Variants in DOCK1 observed in about 807,000 individuals in gnomAD.
DOCK1 encodes dedicator of cytokinesis 1.
A neutral mutation model predicts 262.7 loss-of-function variants in DOCK1; 138 were observed. That is an observed-to-expected ratio of 0.53 (90% CI 0.46 to 0.61). The LOEUF is 0.61. DOCK1 is among the 20% of genes least tolerant of loss of function. The pLI is 0.00. For synonymous variants in DOCK1, 866 were observed against 867.4 expected, an observed-to-expected ratio of 1.00 and a Z score of 0.03; for missense variants, 1,908 against 2,370.7, an observed-to-expected ratio of 0.80 and a Z score of 4.05.
chr10:127,414,196 G>GC (rs889911104), intron 43 of DOCK1, among the ~76,000 whole-genome samples: 2 of 152,132 alleles, frequency 1.3e-5, no homozygotes, highest in Non-Finnish European at 2.9e-5. Flanking sequence ...ACAGACGTGA[G>GC]CCCCCCACGC....
intron 23 of DOCK1, among the ~76,000 whole-genome samples, chr10:127,081,341 C>T (rs1017200089): frequency 4.0e-5 from 6 of 150,392 alleles, no homozygotes; most frequent in Non-Finnish European, 8.8e-5. Context: ...TAATTCTTGC[C>T]TATTAATTTG....
chr10:127,278,487 C>G (rs1033435130), intron 29 of DOCK1, among the ~76,000 whole-genome samples: 1 of 152,176 alleles, frequency 6.6e-6, no homozygotes, highest in African/African-American at 2.4e-5. Flanking sequence ...TCCAGCTAAT[C>G]TCTCTCATCC....
chr10:127,176,360 T>A lies in DOCK1; in HGVS notation c.2847+48596T>A, dbSNP rs770823920. 3.1e-6 allele frequency: 5 copies of A among 1,612,772 alleles called. No individual in the cohort carries two copies. The Admixed American group carries it at 6.7e-5, about 22-fold the overall frequency. On this transcript the variant is annotated intron_variant, in intron 27 of 51. Coordinates refer to ENST00000623213, the MANE Select transcript of DOCK1 (RefSeq NM_001290223.2). The surrounding 1 kb of genome is among the most constrained non-coding windows in gnomAD (Gnocchi z 4.4). The stretch of plus-strand genomic sequence containing the variant: ...CGGGTTCCACTTCACTCTCCGACGT[T>A]GTGAGTATGCATTTGCCGGTGTCCT...
chr10:127,052,525 CAA>C (rs71490107), intron 21 of DOCK1, among the ~76,000 whole-genome samples, 154 bp from the exon 22 acceptor site: 63,448 of 139,208 alleles, frequency 0.46, 13,253 homozygotes, highest in Middle Eastern at 0.55. Context: ...CTGTCTCAAA[CAA>C]AAAAAAAAAA....
intron 1 of DOCK1, among the ~76,000 whole-genome samples, chr10:126,941,813 G>A (rs994964243): frequency 6.6e-6 from 1 of 152,122 alleles, no homozygotes; most frequent in African/African-American, 2.4e-5. Context: ...GATTGTACCT[G>A]TCTGAGTAGT....
chr10:127,037,832 A>G lies in DOCK1; in HGVS notation c.2010+16A>G, dbSNP rs376509936. 21 of 1,524,566 alleles carry G rather than the reference A, an allele frequency of 1.4e-5. No individual in the cohort carries two copies. The highest frequency in any genetic ancestry group is 2.4e-5 in the East Asian group (1 of 42,252). The allele number at this position is 1,524,566 out of a possible 1,614,324, so 94.4% of individuals were successfully genotyped here. Reference sequence around the variant, plus strand: ...AGTAGTGAAGGTAACATGGAGCCCAAAGGGACTTTTTGGGTCTTTTTTTTT... The same window carrying G: ...AGTAGTGAAGGTAACATGGAGCCCAGAGGGACTTTTTGGGTCTTTTTTTTT... On this transcript the variant is annotated intron_variant, in intron 19 of 51. Transcript: ENST00000623213.
intron 27 of DOCK1, among the ~76,000 whole-genome samples, chr10:127,214,406 C>T (rs2058115134): frequency 6.6e-6 from 1 of 152,156 alleles, no homozygotes; most frequent in South Asian, 2.1e-4. Flanking sequence ...GCCTTGCTTC[C>T]TTTTGCCGTT....
rs1246925585 is a variant in DOCK1 at position 127,362,836 on chromosome 10, T to TACACATGCACGTCCCC, written c.3432+629_3432+630insTGCACGTCCCCACACA. ...TTGGGTTGGCACCCACACCCACACA[T>TACACATGCACGTCCCC]ACACACACACACACACATGTACATC... On this transcript the variant is annotated intron_variant, in intron 33 of 51. Coordinates refer to ENST00000623213, the MANE Select transcript of DOCK1 (RefSeq NM_001290223.2). 2.0e-3 allele frequency among the ~76,000 whole-genome samples: 13 copies of TACACATGCACGTCCCC among 6,606 alleles called. 4 individuals are homozygous for TACACATGCACGTCCCC. Among genetic ancestry groups the TACACATGCACGTCCCC allele is most frequent in the Admixed American group, 7.1e-3 (4 of 564 alleles). 4.3% of individuals were successfully genotyped at this position (6,606 alleles called of 152,430 possible).
At chr10:127,213,519 T>C (rs2058071680) in intron 27 of DOCK1, among the ~76,000 whole-genome samples, 1 of 152,198 alleles carries the variant, frequency 6.6e-6, no homozygotes, top group Non-Finnish European at 1.5e-5. Flanking sequence ...AAGAGATTGA[T>C]CACGTGAGAT....
intron 23 of DOCK1, among the ~76,000 whole-genome samples, chr10:127,092,822 G>T (rs1419221728): frequency 6.6e-6 from 1 of 152,168 alleles, no homozygotes; most frequent in Non-Finnish European, 1.5e-5. Flanking sequence ...GTATTGGTCA[G>T]AAACAGAATG....
intron 29 of DOCK1, among the ~76,000 whole-genome samples, chr10:127,299,483 G>T (rs999745585): frequency 6.6e-6 from 1 of 152,212 alleles, no homozygotes; most frequent in Non-Finnish European, 1.5e-5. Context: ...AATGCTGTGT[G>T]ACCGTGGAGG....
chr10:127,341,498 A>G (rs1400696072), intron 30 of DOCK1, among the ~76,000 whole-genome samples: 1 of 152,216 alleles, frequency 6.6e-6, no homozygotes, highest in Non-Finnish European at 1.5e-5. Context: ...GAGTAAGTTT[A>G]TGGTATTTGA....
chr10:127,261,297 G>T (rs571696850), intron 29 of DOCK1, among the ~76,000 whole-genome samples: 1 of 88,126 alleles, frequency 1.1e-5, no homozygotes, highest in Non-Finnish European at 2.4e-5. Flanking sequence ...GTGCATGTGG[G>T]TGTGTGTGTG....
In DOCK1 at chr10:126,996,829, C is replaced by T. The variant is rs554024311; in HGVS notation, c.555C>T (p.Phe185=). The change falls in exon 7 of 52, where the codon TTC becomes TTT. Residue 185 remains phenylalanine (F), a synonymous_variant. Coordinates refer to ENST00000623213, the MANE Select transcript of DOCK1 (RefSeq NM_001290223.2). ...AATTAACTAGCACGATTAGTCTCTTCAGAGCTCATGAAATAGCTTCTAAAC... is the reference window on the plus strand; with the variant it reads ...AATTAACTAGCACGATTAGTCTCTTTAGAGCTCATGAAATAGCTTCTAAAC... ...DPELTSTISL[F]RAHEIASKQV... is the part of the protein sequence containing the mutation. 41 of 1,611,882 alleles carry T rather than the reference C, an allele frequency of 2.5e-5. No homozygotes were observed. In the South Asian group the frequency reaches 4.3e-4, roughly 17 times the overall value.
Position 127,095,224 on chromosome 10 carries a change from C to T in DOCK1, c.2446-11007C>T, listed in dbSNP as rs370205260. On this transcript the variant is annotated intron_variant, in intron 23 of 51. Coordinates refer to ENST00000623213, the MANE Select transcript of DOCK1 (RefSeq NM_001290223.2). Reference sequence around the variant, plus strand: ...CTAAGTCTTTCTCTTTTTCACGCCTCGTGCTTTTTGCTACGTGGTTTCTGC... The same window carrying T: ...CTAAGTCTTTCTCTTTTTCACGCCTTGTGCTTTTTGCTACGTGGTTTCTGC... Among the ~76,000 whole-genome samples the T allele has an allele frequency of 3.9e-5, 6 of 152,154 alleles. No homozygotes were observed. The South Asian group carries it at 6.2e-4, about 16-fold the overall frequency.
chr10:127,223,768 G>A (rs1328658950), intron 27 of DOCK1, among the ~76,000 whole-genome samples: 3 of 152,160 alleles, frequency 2.0e-5, no homozygotes, highest in African/African-American at 7.2e-5. Flanking sequence ...ATAAAGAAGT[G>A]AGGCTTTTTA....
intron 1 of DOCK1, among the ~76,000 whole-genome samples, chr10:126,906,399 C>T (rs2030835929): frequency 6.6e-6 from 1 of 152,200 alleles, no homozygotes; most frequent in African/African-American, 2.4e-5. Context: ...TCGCCGAGGC[C>T]TGCGGACGCC....
chr10:127,013,181 G>C (rs1044627452), intron 12 of DOCK1, among the ~76,000 whole-genome samples: 3 of 152,202 alleles, frequency 2.0e-5, no homozygotes, highest in African/African-American at 7.2e-5. Flanking sequence ...GGGATCTGCA[G>C]GGACCTCCAG....
chr10:127,184,230 C>A (rs1039396866), intron 27 of DOCK1, among the ~76,000 whole-genome samples: 30 of 152,148 alleles, frequency 2.0e-4, no homozygotes, highest in African/African-American at 7.2e-4. Flanking sequence ...GGTCACGAGA[C>A]CCATCTCCAA....
Sources: allele counts gnomAD v4.1 joint callset (sites outside exome capture counted in the v4.1 genomes callset), GRCh38; gene constraint gnomAD v4.1.1; non-coding constraint Gnocchi (gnomAD v3.1); transcripts MANE v1.5; gene names NCBI Gene and HGNC (gene_info 2026-07-23, HGNC 2026-07-21).